Variants in CTTNBP2 observed in about 807,000 individuals in gnomAD.
CTTNBP2 encodes cortactin-binding protein 2.
In CTTNBP2, 108 loss-of-function variants were observed where a neutral mutation model predicts 156.9. That is an observed-to-expected ratio of 0.69 (90% CI 0.59 to 0.81). The LOEUF (loss-of-function observed/expected upper bound fraction) is 0.81. Among genes scored for constraint, CTTNBP2 ranks in the 30% least tolerant of loss-of-function variants. The probability of loss-of-function intolerance (pLI) is 0.00; values close to 1 mark genes in which losing one functional copy is unlikely to be tolerated. For missense variants in CTTNBP2, 1,924 were observed against 2,035.4 expected, an observed-to-expected ratio of 0.95 and a Z score of 1.05; for synonymous variants, 767 against 751.8, an observed-to-expected ratio of 1.02 and a Z score of -0.33.
Position 117,810,798 on chromosome 7 carries a change from T to C in CTTNBP2, c.381A>G (p.Ala127=). The change falls in exon 3 of 23, where the codon GCA becomes GCG. Residue 127 remains alanine (A), a synonymous_variant. Transcript: ENST00000160373. ...GTCTGCTCTCAGCAGCAGCCAGCTGTGCGGACATCCTTTCTTGCATTTTCT... is the reference window on the plus strand; with the variant it reads ...GTCTGCTCTCAGCAGCAGCCAGCTGCGCGGACATCCTTTCTTGCATTTTCT... ...HCKKMQERMS[A]QLAAAESRQK... 1.2e-6 allele frequency: 2 copies of C among 1,613,668 alleles called. No homozygotes were observed. The highest frequency in any genetic ancestry group is 2.2e-5 in the East Asian group (1 of 44,872).
At chr7:117,822,017 C>T (rs77777308) in intron 2 of CTTNBP2, among the ~76,000 whole-genome samples, 1 of 152,098 alleles carries the variant, frequency 6.6e-6, no homozygotes, top group Admixed American at 6.5e-5. Context: ...ACCAGGGAAA[C>T]CATCTAGGCC....
Position 117,833,879 on chromosome 7 carries a change from TAG to T in CTTNBP2, c.190-22892_190-22891del, listed in dbSNP as rs765598471. Among the ~76,000 whole-genome samples, 17 of 152,196 alleles carry T rather than the reference TAG, an allele frequency of 1.1e-4. No homozygotes were observed. The East Asian group carries it at 1.2e-3, about 10-fold the overall frequency. ...AATGATCAGCCTTGCTGCTTTGAAA[TAG>T]AGATTCTCAATTAAGAATTTCTCAG... On this transcript the variant is annotated intron_variant, in intron 2 of 22. Coordinates refer to ENST00000160373, the MANE Select transcript of CTTNBP2 (RefSeq NM_033427.3).
At chr7:117,719,673 G>A (rs1584887778) in intron 20 of CTTNBP2, 37 bp from the exon 21 acceptor site, 1 of 1,576,098 alleles carries the variant, frequency 6.3e-7, no homozygotes. Flanking sequence ...TTCAAAGTGA[G>A]AACAATTCCC....
At chr7:117,848,323 G>A (rs532737155) in intron 2 of CTTNBP2, among the ~76,000 whole-genome samples, 7 of 152,040 alleles carry the variant, frequency 4.6e-5, no homozygotes, top group Non-Finnish European at 8.8e-5. Context: ...AAATCCCACT[G>A]TCTTGCCCAC....
chr7:117,727,505 T>C (rs1346005433), intron 17 of CTTNBP2, among the ~76,000 whole-genome samples: 2 of 152,232 alleles, frequency 1.3e-5, no homozygotes, highest in African/African-American at 4.8e-5. Flanking sequence ...GAAGATATTA[T>C]TTCTATCCCC....
intron 22 of CTTNBP2, among the ~76,000 whole-genome samples, chr7:117,712,190 A>G (rs1055981517): frequency 3.9e-5 from 6 of 152,200 alleles, no homozygotes; most frequent in African/African-American, 1.4e-4. Context: ...AAAGTGAACT[A>G]TTACTCAATA....
chr7:117,736,593 G>T (rs1384171447), intron 14 of CTTNBP2, among the ~76,000 whole-genome samples: 1 of 152,130 alleles, frequency 6.6e-6, no homozygotes. Flanking sequence ...TTTCCCATTC[G>T]TTTCACTCAG....
At chr7:117,784,152 T>G (rs1395809771) in intron 5 of CTTNBP2, 99 bp downstream of exon 5, 2 of 893,478 alleles carry the variant, frequency 2.2e-6, no homozygotes, top group African/African-American at 3.4e-5. Flanking sequence ...AAAAGAAAAA[T>G]AAAACTAAAT....
At chr7:117,774,028 T>C (rs1797961185) in intron 8 of CTTNBP2, among the ~76,000 whole-genome samples, 1 of 152,278 alleles carries the variant, frequency 6.6e-6, no homozygotes, top group Non-Finnish European at 1.5e-5. Flanking sequence ...TTTGTTTCAG[T>C]TGCAGGAAAC....
chr7:117,832,044 C>T (rs1448972274), intron 2 of CTTNBP2, among the ~76,000 whole-genome samples: 9 of 152,086 alleles, frequency 5.9e-5, no homozygotes, highest in Non-Finnish European at 1.3e-4. Context: ...CCCCCTGAAA[C>T]TCAACAAGAA....
At position 117,792,816 on chromosome 7, in the gene CTTNBP2, T is replaced by G; in HGVS notation, c.415-35A>C. ...ATTCACAGGAAAACCCTGATTAATA[T>G]ACAGAATTTTCTTTTCACCAAGGAA... is the stretch of plus-strand genomic sequence containing the variant. On this transcript the variant is annotated intron_variant, in intron 3 of 22. Transcript: ENST00000160373. This position sits in a 1 kb window ranked among gnomAD's most constrained non-coding sequence, Gnocchi z 4.2. The G allele has an allele frequency of 7.2e-7, 1 of 1,388,976 alleles. No individual in the cohort carries two copies. The highest frequency in any genetic ancestry group is 2.4e-5 in the East Asian group (1 of 41,214). 86.0% of individuals were successfully genotyped at this position (1,388,976 alleles called of 1,614,324 possible).
At chr7:117,774,185 G>A (rs921076243) in intron 8 of CTTNBP2, among the ~76,000 whole-genome samples, 4 of 152,116 alleles carry the variant, frequency 2.6e-5, no homozygotes, top group Admixed American at 1.3e-4. Flanking sequence ...GAGGTTTTCC[G>A]ATGACATTTA....
intron 3 of CTTNBP2, among the ~76,000 whole-genome samples, chr7:117,805,178 T>G (rs35579564): frequency 0.068 from 10,407 of 152,228 alleles, 559 homozygotes; most frequent in African/African-American, 0.14. Context: ...CTTTGGGATA[T>G]TCTCTTGATT....
intron 19 of CTTNBP2, 27 bp downstream of exon 19, chr7:117,724,520 G>C (rs1014561506): frequency 6.4e-7 from 1 of 1,571,380 alleles, no homozygotes; most frequent in Non-Finnish European, 8.6e-7. Flanking sequence ...CCTCCTGGTA[G>C]GCAACATGCC....
chr7:117,828,072 C>T (rs1021656717), intron 2 of CTTNBP2, among the ~76,000 whole-genome samples: 3 of 152,152 alleles, frequency 2.0e-5, no homozygotes, highest in African/African-American at 7.2e-5. Context: ...CACCATCTAC[C>T]AGCTGAAGAT....
At chr7:117,844,460 C>T (rs1288552367) in intron 2 of CTTNBP2, among the ~76,000 whole-genome samples, 2 of 152,088 alleles carry the variant, frequency 1.3e-5, no homozygotes, top group African/African-American at 4.8e-5. Context: ...AAGGAGAAAT[C>T]AAGTCCAACA....
At chr7:117,714,322 T>C (rs1794222864) in intron 22 of CTTNBP2, 1 of 152,180 alleles carries the variant, frequency 6.6e-6, no homozygotes, top group African/African-American at 2.4e-5. Context: ...GTCCGCAAAA[T>C]GGGACTTGGT....
intron 14 of CTTNBP2, among the ~76,000 whole-genome samples, chr7:117,738,592 G>A (rs185195934): frequency 9.8e-5 from 15 of 152,324 alleles, no homozygotes; most frequent in Admixed American, 5.9e-4. Context: ...AGGAAATACT[G>A]GAGACAACTC....
At chr7:117,826,053 T>A (rs575449551) in intron 2 of CTTNBP2, among the ~76,000 whole-genome samples, 1 of 152,294 alleles carries the variant, frequency 6.6e-6, no homozygotes, top group African/African-American at 2.4e-5. Flanking sequence ...TCACAACTGT[T>A]CTTTCTCTTC....
Sources: gnomAD v4.1 joint callset for allele counts (sites outside exome capture counted in the v4.1 genomes callset) on GRCh38, gnomAD v4.1.1 for gene constraint, Gnocchi (gnomAD v3.1) non-coding constraint, MANE v1.5 for transcripts, NCBI Gene and HGNC (gene_info 2026-07-23, HGNC 2026-07-21) for gene names.